ZFHX3: variants seen among roughly 807,000 people sequenced by gnomAD.
ZFHX3 encodes zinc finger homeobox protein 3.
ZFHX3 carries 42 observed loss-of-function variants against 279.1 expected under a neutral mutation model. That is an observed-to-expected ratio of 0.15 (90% CI 0.12 to 0.19). The LOEUF is 0.19. Ranked by LOEUF, ZFHX3 falls within the 10% of genes least tolerant of loss-of-function variation. The probability of loss-of-function intolerance (pLI) is 1.00; values close to 1 mark genes in which losing one functional copy is unlikely to be tolerated. For synonymous variants in ZFHX3, 2,293 were observed against 1,957.8 expected (o/e 1.17, Z -4.52); for missense variants, 4,981 against 4,754.0 (o/e 1.05, Z -1.40).
chr16:73,292,880 T>C (rs1371635441), intron 4 of ZFHX3, among the ~76,000 whole-genome samples: 1 of 152,182 alleles, frequency 6.6e-6, no homozygotes, highest in Non-Finnish European at 1.5e-5. Flanking sequence ...AGCAGAAACT[T>C]TCTGGTATGT....
intron 2 of ZFHX3, among the ~76,000 whole-genome samples, chr16:73,496,677 C>G (rs2019147579): frequency 6.6e-6 from 1 of 152,236 alleles, no homozygotes; most frequent in African/African-American, 2.4e-5. Context: ...CCCTCCCTAG[C>G]CTTCTATTCT....
chr16:72,920,182 TA>T lies in ZFHX3; in HGVS notation c.3217-30221del, dbSNP rs200905266. On this transcript the variant is annotated intron_variant, in intron 3 of 9. Transcript: ENST00000268489. ...AGTCCAACTGAAGAATTTGCCAACT[TA>T]AAAAAAAATAACCAAAATAAACAAT... Among the ~76,000 whole-genome samples, 3 of 150,870 alleles carry T rather than the reference TA, an allele frequency of 2.0e-5. No homozygotes were observed. The East Asian group carries it at 5.8e-4, about 29-fold the overall frequency.
rs117014594 is a variant in ZFHX3 at position 73,883,587 on chromosome 16, G to A, written c.-1608+8064C>T. ...CAACCTCAGTATCAGCCTTTCTTCC[G>A]TGTACAAAAATACATCTGCCAGAAA... On this transcript the variant is annotated intron_variant, in intron 1 of 17. Transcript: ENST00000641206. 3.7e-4 allele frequency among the ~76,000 whole-genome samples: 56 copies of A among 151,984 alleles called. No homozygotes were observed. The East Asian group carries it at 4.6e-3, about 13-fold the overall frequency.
At chr16:73,071,234 C>G (rs1965823311) in intron 8 of ZFHX3, among the ~76,000 whole-genome samples, 1 of 151,572 alleles carries the variant, frequency 6.6e-6, no homozygotes, top group Non-Finnish European at 1.5e-5. Context: ...TCCTGCTCCA[C>G]TGAGCTTCGA....
At chr16:73,495,145 T>G (rs1208694198) in intron 2 of ZFHX3, among the ~76,000 whole-genome samples, 1 of 152,260 alleles carries the variant, frequency 6.6e-6, no homozygotes, top group Non-Finnish European at 1.5e-5. Flanking sequence ...TATGACTGGC[T>G]GGCAGAATTC....
intron 5 of ZFHX3, 166 bp downstream of exon 5, chr16:72,829,613 C>T (rs1359474179): frequency 1.5e-6 from 1 of 668,022 alleles, no homozygotes; most frequent in Admixed American, 2.8e-5. Flanking sequence ...AAGGTGACTG[C>T]TCAAAGAAGC....
At chr16:72,851,844 C>A (rs2037626655) in intron 4 of ZFHX3, among the ~76,000 whole-genome samples, 1 of 152,206 alleles carries the variant, frequency 6.6e-6, no homozygotes, top group Non-Finnish European at 1.5e-5. Context: ...AGCCACCGCA[C>A]CTGGCCTCAA....
chr16:73,847,256 G>T (rs1255759202), intron 1 of ZFHX3, among the ~76,000 whole-genome samples: 2 of 152,154 alleles, frequency 1.3e-5, no homozygotes, highest in African/African-American at 4.8e-5. Flanking sequence ...AACTGAGACT[G>T]CCCCATTGCA....
chr16:72,950,039 G>T (rs1298076625), intron 3 of ZFHX3, among the ~76,000 whole-genome samples: 3 of 148,004 alleles, frequency 2.0e-5, no homozygotes, highest in South Asian at 2.1e-4. Context: ...AAGAAGGAAG[G>T]GAGGAACAAA....
At chr16:73,680,597 T>A (rs1403257037) in intron 1 of ZFHX3, among the ~76,000 whole-genome samples, 1 of 152,184 alleles carries the variant, frequency 6.6e-6, no homozygotes, top group Non-Finnish European at 1.5e-5. Context: ...AGGAAATGAC[T>A]GAAAGGAATT....
chr16:73,331,674 T>C (rs146430129), intron 3 of ZFHX3, among the ~76,000 whole-genome samples: 1 of 152,336 alleles, frequency 6.6e-6, no homozygotes, highest in East Asian at 1.9e-4. Context: ...TCATGAGCTG[T>C]TGATATAGTA....
At chr16:73,775,217 A>C (rs1004562430) in intron 1 of ZFHX3, among the ~76,000 whole-genome samples, 2 of 152,188 alleles carry the variant, frequency 1.3e-5, no homozygotes, top group African/African-American at 4.8e-5. Flanking sequence ...CCCTGCTTCG[A>C]CTGCAAAGAG....
At chr16:73,654,984 C>T (rs2142169493) in intron 2 of ZFHX3, among the ~76,000 whole-genome samples, 1 of 151,748 alleles carries the variant, frequency 6.6e-6, no homozygotes, top group African/African-American at 2.4e-5. Context: ...CCTCAGCTTC[C>T]CCAGTAGCTG....
intron 3 of ZFHX3, among the ~76,000 whole-genome samples, chr16:72,939,583 T>C (rs1256025890): frequency 2.0e-5 from 3 of 152,168 alleles, no homozygotes; most frequent in African/African-American, 7.2e-5. Context: ...TCATTCTCAT[T>C]GTCCCGAAGG....
intron 2 of ZFHX3, among the ~76,000 whole-genome samples, chr16:73,541,786 C>CTTTTTTTTTTT (rs546761843): frequency 1.1e-5 from 1 of 88,142 alleles, no homozygotes; most frequent in African/African-American, 4.1e-5. Context: ...TGGTGGTTCT[C>CTTTTTTTTTTT]TTTTTTTTTT....
intron 3 of ZFHX3, chr16:73,401,856 G>C (rs1462669167): frequency 1.3e-5 from 2 of 152,214 alleles, no homozygotes; most frequent in South Asian, 2.1e-4. Flanking sequence ...CTTACACATA[G>C]AGAGCCCTGT....
chr16:72,944,031 T>G (rs959029931), intron 3 of ZFHX3, among the ~76,000 whole-genome samples: 1 of 152,180 alleles, frequency 6.6e-6, no homozygotes, highest in Non-Finnish European at 1.5e-5. Context: ...TAAAACAAAC[T>G]GACACTTTGG....
chr16:73,294,984 C>T (rs8044725), intron 4 of ZFHX3, among the ~76,000 whole-genome samples: 21,836 of 151,708 alleles, frequency 0.14, 1,937 homozygotes, highest in African/African-American at 0.24. Context: ...GAGGCCGAGA[C>T]GGGCGGATCA....
chr16:73,068,299 C>A (rs1965780028), intron 8 of ZFHX3, among the ~76,000 whole-genome samples: 1 of 152,020 alleles, frequency 6.6e-6, no homozygotes, highest in Non-Finnish European at 1.5e-5. Flanking sequence ...ATCAGGGGAC[C>A]CAAGGGATGA....
Sources: allele counts gnomAD v4.1 joint callset (sites outside exome capture counted in the v4.1 genomes callset), GRCh38; gene constraint gnomAD v4.1.1; transcripts MANE v1.5; gene names NCBI Gene and HGNC (gene_info 2026-07-23, HGNC 2026-07-21).